The following OC90 variants were observed in gnomAD, a reference collection of about 807,000 sequenced individuals.
OC90 encodes the protein otoconin 90.
Under a neutral mutation model 47.3 loss-of-function variants are expected in OC90, and 46 were observed. The ratio of observed to expected loss-of-function variants is 0.97; its 90% confidence interval spans 0.77 to 1.24. The LOEUF is 1.24. Ranked by LOEUF, OC90 falls within the 50% of genes most tolerant of loss-of-function variation. The pLI is 0.00. For missense variants in OC90, 688 were observed against 583.9 expected, an observed-to-expected ratio of 1.18 and a Z score of -1.84; for synonymous variants, 271 against 219.5, an observed-to-expected ratio of 1.23 and a Z score of -2.07.
intron 2 of OC90, among the ~76,000 whole-genome samples, chr8:132,048,128 C>G (rs1823160199): frequency 1.3e-5 from 2 of 152,172 alleles, no homozygotes; most frequent in African/African-American, 4.8e-5. Context: ...TGAGACTTTC[C>G]TGACTCCAAA....
At chr8:132,036,590 G>A (rs564446431) in intron 9 of OC90, among the ~76,000 whole-genome samples, 1 of 152,340 alleles carries the variant, frequency 6.6e-6, no homozygotes, top group South Asian at 2.1e-4. Context: ...TAGGAAAGGG[G>A]CCAGACTAGA....
intron 9 of OC90, chr8:132,036,240 A>G (rs1304003365): frequency 4.7e-6 from 3 of 644,714 alleles, no homozygotes; most frequent in Admixed American, 5.0e-5. Flanking sequence ...TATTCTGTAA[A>G]ATGGGTATAA....
At chr8:132,055,462 C>T (rs998460539) in intron 1 of OC90, among the ~76,000 whole-genome samples, 12 of 152,280 alleles carry the variant, frequency 7.9e-5, no homozygotes, top group Non-Finnish European at 7.4e-5. Context: ...TAGACTAATG[C>T]GGAAGGGAGG....
chr8:132,035,654 T>C (rs1179305605), intron 9 of OC90, among the ~76,000 whole-genome samples: 1 of 152,220 alleles, frequency 6.6e-6, no homozygotes, highest in Non-Finnish European at 1.5e-5. Context: ...TTGACTGATA[T>C]GGACACAAAT....
At chr8:132,036,340 G>T (rs755529147) in intron 9 of OC90, 2 of 780,450 alleles carry the variant, frequency 2.6e-6, no homozygotes. Flanking sequence ...TGGATTCCAG[G>T]CTGTCCTTTT....
intron 1 of OC90, among the ~76,000 whole-genome samples, chr8:132,057,064 G>A (rs536358398): frequency 6.6e-6 from 1 of 152,292 alleles, no homozygotes; most frequent in African/African-American, 2.4e-5. Context: ...TATCTGTGAG[G>A]CTGTTGTGAA....
chr8:132,038,963 C>T (rs1389504950), intron 7 of OC90, 32 bp downstream of exon 7: 1 of 1,613,740 alleles, frequency 6.2e-7, no homozygotes, highest in African/African-American at 1.3e-5. Flanking sequence ...AGATCCTCAG[C>T]CCCACGGCTG....
chr8:132,049,974 C>CA, intron 2 of OC90: 1 of 415,556 alleles, frequency 2.4e-6, no homozygotes, highest in Non-Finnish European at 5.1e-6. Context: ...CTACGTGATT[C>CA]AAATTCACAT....
chr8:132,042,400 T>C (rs1342945933), intron 4 of OC90, among the ~76,000 whole-genome samples: 2 of 152,132 alleles, frequency 1.3e-5, no homozygotes, highest in Admixed American at 1.3e-4. Context: ...ACTTCTATTA[T>C]AGATTAAAGG....
Position 132,034,766 on chromosome 8 carries a change from G to T in OC90, c.733+15C>A. 1.3e-6 allele frequency: 2 copies of T among 1,589,328 alleles called. No homozygotes were observed. The highest frequency in any genetic ancestry group is 1.1e-5 in the South Asian group (1 of 89,900). The stretch of plus-strand genomic sequence containing the variant: ...TGTGTCATGAACATAGGCAGGTGGA[G>T]CCCAGTAGGCTTACCTGGAGGGGAC... On this transcript the variant is annotated intron_variant, in intron 10 of 13. Transcript: ENST00000254627.
intron 2 of OC90, among the ~76,000 whole-genome samples, chr8:132,053,301 C>T (rs1042208265): frequency 2.6e-5 from 4 of 152,100 alleles, no homozygotes; most frequent in African/African-American, 9.7e-5. Context: ...CTAGGGACTT[C>T]AAGGTAAGCA....
intron 13 of OC90, among the ~76,000 whole-genome samples, 159 bp downstream of exon 13, chr8:132,028,910 GAGGA>G (rs1228431752): frequency 1.3e-4 from 19 of 145,456 alleles, no homozygotes; most frequent in African/African-American, 1.8e-4. Context: ...AAGAAGGAAA[GAGGA>G]AGGAAGGAAG....
intron 2 of OC90, among the ~76,000 whole-genome samples, chr8:132,046,414 T>C (rs1434145959): frequency 3.9e-5 from 6 of 152,204 alleles, no homozygotes; most frequent in Admixed American, 2.6e-4. Flanking sequence ...GAAGCAATTT[T>C]AGCAAGCTCC....
chr8:132,038,541 A>T (rs1455821332), intron 8 of OC90, among the ~76,000 whole-genome samples: 1 of 152,218 alleles, frequency 6.6e-6, no homozygotes, highest in African/African-American at 2.4e-5. Context: ...CTACATCCAC[A>T]CTGGATTAAA....
chr8:132,057,649 A>T (rs944284435), intron 1 of OC90, among the ~76,000 whole-genome samples: 7 of 152,196 alleles, frequency 4.6e-5, no homozygotes, highest in African/African-American at 1.4e-4. Context: ...GGTCAATATT[A>T]TGTATATTTT....
At chr8:132,025,463 G>C (rs1482241810) in intron 13 of OC90, among the ~76,000 whole-genome samples, 2 of 152,156 alleles carry the variant, frequency 1.3e-5, no homozygotes. Context: ...AGACCAGTAA[G>C]GGGAAATTGC....
chr8:132,047,046 G>T (rs946096375), intron 2 of OC90, among the ~76,000 whole-genome samples: 1 of 152,200 alleles, frequency 6.6e-6, no homozygotes, highest in Non-Finnish European at 1.5e-5. Context: ...ACAGATACCA[G>T]CAGGAAACAC....
intron 4 of OC90, among the ~76,000 whole-genome samples, chr8:132,042,238 A>C (rs4401835): frequency 0.62 from 94,158 of 151,918 alleles, 29,721 homozygotes; most frequent in East Asian, 0.75. Context: ...AGTTGAAAAA[A>C]CAATATGTTC....
intron 9 of OC90, among the ~76,000 whole-genome samples, chr8:132,035,802 T>A (rs1822950174): frequency 6.6e-6 from 1 of 152,210 alleles, no homozygotes; most frequent in South Asian, 2.1e-4. Context: ...TCTCAGAGCT[T>A]CTTGTTTGTC....
Sources: allele counts gnomAD v4.1 joint callset (sites outside exome capture counted in the v4.1 genomes callset), GRCh38; gene constraint gnomAD v4.1.1; transcripts MANE v1.5; gene names NCBI Gene and HGNC (gene_info 2026-07-23, HGNC 2026-07-21).